DLGAP2: variants seen among roughly 807,000 people sequenced by gnomAD.
DLGAP2 encodes DLG associated protein 2, also known as disks large-associated protein 2.
DLGAP2 carries 26 observed loss-of-function variants against 100.3 expected under a neutral mutation model. The ratio of observed to expected loss-of-function variants is 0.26; its 90% CI spans 0.19 to 0.36. The LOEUF (loss-of-function observed/expected upper bound fraction) is 0.36. DLGAP2 is among the 10% of genes least tolerant of loss of function. DLGAP2 has a pLI of 1.00. For synonymous variants in DLGAP2, 886 were observed against 630.1 expected, an observed-to-expected ratio of 1.41 and a Z score of -6.08; for missense variants, 1,858 against 1,453.2, an observed-to-expected ratio of 1.28 and a Z score of -4.53.
intron 2 of DLGAP2, among the ~76,000 whole-genome samples, chr8:1,176,185 G>A (rs536532535): frequency 1.6e-3 from 244 of 149,902 alleles, no homozygotes; most frequent in Non-Finnish European, 2.6e-3. Context: ...CAAGGCACGT[G>A]TTACATGGCG....
intron 2 of DLGAP2, among the ~76,000 whole-genome samples, chr8:1,003,761 G>C (rs1375986019): frequency 1.3e-5 from 2 of 152,162 alleles, no homozygotes; most frequent in African/African-American, 4.8e-5. Flanking sequence ...TCTCTCTCAT[G>C]AGACCTGTCC....
At chr8:1,434,862 C>A (rs1412288382) in intron 3 of DLGAP2, among the ~76,000 whole-genome samples, 1 of 152,154 alleles carries the variant, frequency 6.6e-6, no homozygotes, top group Admixed American at 6.5e-5. Context: ...ATCCTTCCTC[C>A]CCTCCCTCCT....
intron 3 of DLGAP2, among the ~76,000 whole-genome samples, chr8:1,429,245 G>A (rs1003988630): frequency 6.6e-6 from 1 of 152,170 alleles, no homozygotes; most frequent in African/African-American, 2.4e-5. Context: ...TTAGGGTTCA[G>A]CTGGTGGTTT....
In DLGAP2 at chr8:962,970, CG is replaced by C. The variant is rs1799761930; in HGVS notation, c.73+55008del. Reference sequence around the variant, plus strand: ...ATGGTCAGGAGGCAGGTCTTAGGTTCGGGGTCCTCTGATGGGAAAAGTGTGG... The same window carrying C: ...ATGGTCAGGAGGCAGGTCTTAGGTTCGGGTCCTCTGATGGGAAAAGTGTGG... On this transcript the variant is annotated intron_variant, in intron 2 of 14. Coordinates refer to ENST00000637795, the MANE Select transcript of DLGAP2 (RefSeq NM_001346810.2). Among the ~76,000 whole-genome samples, 3 of 152,298 alleles carry C rather than the reference CG, an allele frequency of 2.0e-5. No homozygotes were observed. In the South Asian group the frequency reaches 6.2e-4, roughly 32 times the overall value.
At chr8:1,466,637 A>G (rs1798634459) in intron 3 of DLGAP2, among the ~76,000 whole-genome samples, 2 of 152,098 alleles carry the variant, frequency 1.3e-5, no homozygotes, top group South Asian at 4.2e-4. Context: ...AATTCATAGT[A>G]GTAACATTTT....
intron 3 of DLGAP2, chr8:1,369,340 T>C (rs1406682339): frequency 6.6e-6 from 1 of 152,344 alleles, no homozygotes; most frequent in Non-Finnish European, 1.5e-5. Context: ...GTCTTCTTGC[T>C]GTGACCTCAC....
At chr8:1,207,717 A>T (rs1373609527) in intron 2 of DLGAP2, among the ~76,000 whole-genome samples, 1 of 152,180 alleles carries the variant, frequency 6.6e-6, no homozygotes, top group Non-Finnish European at 1.5e-5. Context: ...TACCACATTC[A>T]TGCCAACATC....
chr8:1,095,252 G>A (rs971059329), intron 2 of DLGAP2, among the ~76,000 whole-genome samples: 13 of 152,186 alleles, frequency 8.5e-5, no homozygotes, highest in Admixed American at 5.2e-4. Flanking sequence ...TCATAGTTGC[G>A]TTAGGGCCAC....
chr8:1,148,681 T>G (rs1228159056), intron 2 of DLGAP2, among the ~76,000 whole-genome samples: 1 of 152,206 alleles, frequency 6.6e-6, no homozygotes, highest in Non-Finnish European at 1.5e-5. Context: ...ACAAAAATAT[T>G]TTAGAAGTAT....
At chr8:1,361,038 G>T (rs1434122069) in intron 3 of DLGAP2, among the ~76,000 whole-genome samples, 1 of 152,228 alleles carries the variant, frequency 6.6e-6, no homozygotes, top group Admixed American at 6.5e-5. Flanking sequence ...ACTCTTCTGT[G>T]ATCCTTTCCT....
chr8:1,080,283 G>A (rs761639173), intron 2 of DLGAP2, among the ~76,000 whole-genome samples: 1 of 152,302 alleles, frequency 6.6e-6, no homozygotes, highest in Non-Finnish European at 1.5e-5. Context: ...CCCCCGCCCC[G>A]CCGCCCGCGT....
intron 1 of DLGAP2, among the ~76,000 whole-genome samples, chr8:869,830 G>A (rs934157250): frequency 1.3e-5 from 2 of 152,186 alleles, no homozygotes; most frequent in South Asian, 2.1e-4. Context: ...TGGGCACCCC[G>A]GCAGCGGGAC....
At chr8:903,691 C>T (rs547539371) in intron 1 of DLGAP2, among the ~76,000 whole-genome samples, 1 of 152,104 alleles carries the variant, frequency 6.6e-6, no homozygotes, top group Non-Finnish European at 1.5e-5. Context: ...CAAGCTCTCC[C>T]GCCCGCACCC....
Position 1,417,160 on chromosome 8 carries a change from A to C in DLGAP2, c.107-84206A>C, listed in dbSNP as rs62484235. On this transcript the variant is annotated intron_variant, in intron 3 of 14. Transcript: ENST00000637795. ...CTGAGGCGGGGGAGACTCTGAGTGA[A>C]GGGGAAGCCCCCGTTCATTTAGTGT... Among the ~76,000 whole-genome samples the C allele has an allele frequency of 4.3e-4, 47 of 108,394 alleles. 5 individuals carry two copies. Among genetic ancestry groups the C allele is most frequent in the African/African-American group, 1.7e-3 (41 of 24,332 alleles). 71.1% of individuals were successfully genotyped at this position (108,394 alleles called of 152,430 possible).
At chr8:1,357,514 C>A (rs1801883341) in intron 3 of DLGAP2, among the ~76,000 whole-genome samples, 1 of 151,822 alleles carries the variant, frequency 6.6e-6, no homozygotes, top group Non-Finnish European at 1.5e-5. Context: ...ATATTAATAC[C>A]ATCTGTAGTA....
In DLGAP2 at chr8:1,668,326, C is replaced by T; in HGVS notation, c.1811-3C>T. 6.7e-7 allele frequency: 1 copy of T among 1,483,246 alleles called. No individual in the cohort carries two copies. Among genetic ancestry groups the T allele is most frequent in the South Asian group, 1.4e-5 (1 of 70,350 alleles). 91.9% of individuals were successfully genotyped at this position (1,483,246 alleles called of 1,614,324 possible). ...GTTGACTTGGGACTTTCTTTTCTTACAGCTGTCTCATATACAAATTACAAG... is the reference window on the plus strand; with the variant it reads ...GTTGACTTGGGACTTTCTTTTCTTATAGCTGTCTCATATACAAATTACAAG... On this transcript the variant is annotated splice_polypyrimidine_tract_variant and splice_region_variant and intron_variant, in intron 8 of 14. Coordinates refer to ENST00000637795, the MANE Select transcript of DLGAP2 (RefSeq NM_001346810.2).
intron 8 of DLGAP2, among the ~76,000 whole-genome samples, chr8:1,666,830 T>C (rs1191393628): frequency 6.6e-6 from 1 of 152,168 alleles, no homozygotes. Context: ...GAAAATCCAC[T>C]CATGGGTTAA....
At chr8:1,167,035 C>G (rs1206603444) in intron 2 of DLGAP2, among the ~76,000 whole-genome samples, 10 of 152,148 alleles carry the variant, frequency 6.6e-5, no homozygotes, top group African/African-American at 2.2e-4. Context: ...AATCTGTAGG[C>G]TGAGGTGGGA....
At chr8:1,478,399 A>G (rs1161623912) in intron 3 of DLGAP2, among the ~76,000 whole-genome samples, 2 of 152,184 alleles carry the variant, frequency 1.3e-5, no homozygotes, top group African/African-American at 2.4e-5. Flanking sequence ...CAGAGTTTCC[A>G]TGACATTTTC....
Sources: allele counts gnomAD v4.1 joint callset (sites outside exome capture counted in the v4.1 genomes callset), GRCh38; gene constraint gnomAD v4.1.1; transcripts MANE v1.5; gene names NCBI Gene and HGNC (gene_info 2026-07-23, HGNC 2026-07-21).